Variants in WSB1 observed in about 807,000 individuals in gnomAD.
WSB1 encodes the protein WD repeat and SOCS box-containing protein 1.
In WSB1, 23 loss-of-function variants were observed where a neutral mutation model predicts 50.2. The ratio of observed to expected loss-of-function variants is 0.46; its 90% CI spans 0.33 to 0.65. WSB1 has a LOEUF of 0.65. WSB1 is among the 30% of genes least tolerant of loss of function. The pLI is 0.02. For missense variants in WSB1, 492 were observed against 522.3 expected, an observed-to-expected ratio of 0.94 and a Z score of 0.56; for synonymous variants, 179 against 172.0, an observed-to-expected ratio of 1.04 and a Z score of -0.32.
chr17:27,309,561 T>C (rs370682364), intron 6 of WSB1, among the ~76,000 whole-genome samples: 1 of 152,010 alleles, frequency 6.6e-6, no homozygotes, highest in African/African-American at 2.4e-5. Context: ...AAAGTTGGAC[T>C]TAATCTTACT....
In WSB1 at chr17:27,294,427, A is replaced by G. The variant is rs2016857700; in HGVS notation, c.32A>G (p.Lys11Arg). Residue 11 changes from lysine (K) to arginine (R), a missense_variant, in exon 1 of 9, where the codon AAA becomes AGA. By Grantham distance (26) the Lys-to-Arg change is conservative. Coordinates refer to ENST00000262394, the MANE Select transcript of WSB1 (RefSeq NM_015626.10). ...AGCTTTCCCCCGAGGGTCAACGAGA[A>G]AGAGATCGGTGAGGATTGGGACCGT... MASFPPRVNE[K>R]EIVRLRTIGE... 1 of 1,613,654 alleles carries G rather than the reference A, an allele frequency of 6.2e-7. No homozygotes were observed. The highest frequency in any genetic ancestry group is 8.5e-7 in the Non-Finnish European group (1 of 1,179,798).
intron 5 of WSB1, chr17:27,308,451 G>T (rs1207121244): frequency 3.0e-6 from 3 of 984,456 alleles, no homozygotes; most frequent in Non-Finnish European, 3.6e-6. Flanking sequence ...AAATAAGATG[G>T]TTAAATTTTG....
At chr17:27,308,307 A>G (rs2017537740) in intron 5 of WSB1, 2 of 986,098 alleles carry the variant, frequency 2.0e-6, no homozygotes, top group Non-Finnish European at 2.4e-6. Flanking sequence ...TGAAGTAAAC[A>G]TTAGAATCCT....
At chr17:27,296,321 T>C (rs2016979033) in intron 1 of WSB1, among the ~76,000 whole-genome samples, 1 of 152,110 alleles carries the variant, frequency 6.6e-6, no homozygotes, top group African/African-American at 2.4e-5. Flanking sequence ...AAGTGCCAGA[T>C]ATCTAGAAGA....
At chr17:27,302,658 T>G (rs577261395) in intron 2 of WSB1, 19 of 152,252 alleles carry the variant, frequency 1.2e-4, no homozygotes, top group African/African-American at 4.6e-4. Context: ...CTCCTGACTT[T>G]AGGTGATCCA....
At chr17:27,298,128 A>G (rs1368842437) in intron 1 of WSB1, among the ~76,000 whole-genome samples, 15 of 75,146 alleles carry the variant, frequency 2.0e-4, no homozygotes, top group South Asian at 1.0e-3. Flanking sequence ...CCGTCTCAGA[A>G]AAAAAAAAAA....
At chr17:27,307,792 C>T (rs1383347061) in intron 5 of WSB1, 1 of 1,533,524 alleles carries the variant, frequency 6.5e-7, no homozygotes, top group Admixed American at 2.0e-5. Context: ...GCACCACTCG[C>T]ACACAGGCGC....
chr17:27,311,295 A>C (rs1261273535), intron 7 of WSB1, among the ~76,000 whole-genome samples: 3 of 152,260 alleles, frequency 2.0e-5, no homozygotes, highest in Admixed American at 2.0e-4. Flanking sequence ...CATGCATTGT[A>C]GTCTCTTAAG....
Position 27,314,855 on chromosome 17 carries a change from A to C in WSB1, c.*2486A>C, listed in dbSNP as rs2017800020. 1 of 152,010 alleles carries C rather than the reference A, an allele frequency of 6.6e-6. No homozygotes were observed. The highest frequency in any genetic ancestry group is 6.6e-5 in the Admixed American group (1 of 15,236). 9.4% of individuals were successfully genotyped at this position (152,010 alleles called of 1,614,324 possible). On this transcript the variant is annotated 3_prime_UTR_variant, in exon 9 of 9. Coordinates refer to ENST00000262394, the MANE Select transcript of WSB1 (RefSeq NM_015626.10). Reference sequence around the variant, plus strand: ...CTAATTTTTGTTGTATTTTTAGGACAGACGGCGTTTCACTGTTGGCCAGAC... The same window carrying C: ...CTAATTTTTGTTGTATTTTTAGGACCGACGGCGTTTCACTGTTGGCCAGAC...
intron 6 of WSB1, among the ~76,000 whole-genome samples, chr17:27,309,600 T>G (rs1314437686): frequency 2.0e-5 from 3 of 151,964 alleles, no homozygotes; most frequent in African/African-American, 7.3e-5. Context: ...TTTTTTTTTT[T>G]TTTGACAGAG....
At chr17:27,303,877 C>T in intron 3 of WSB1, 1 of 420,906 alleles carries the variant, frequency 2.4e-6, no homozygotes, top group Non-Finnish European at 4.2e-6. Flanking sequence ...AAAGGGTTTT[C>T]CAGGGAATGT....
intron 2 of WSB1, chr17:27,303,094 G>A (rs972842600): frequency 3.9e-5 from 11 of 278,746 alleles, no homozygotes; most frequent in Admixed American, 1.5e-4. Context: ...CAGTTGATTC[G>A]GTGGTTTTGA....
Position 27,294,370 on chromosome 17 carries a change from T to G in WSB1, c.-26T>G. On this transcript the variant is annotated 5_prime_UTR_variant, in exon 1 of 9. It adds an upstream start codon to the 5' untranslated region. Coordinates refer to ENST00000262394, the MANE Select transcript of WSB1 (RefSeq NM_015626.10). ...CTCTGTTGTTGGGTCCGCATCGTAT[T>G]CCCGGAATCAGACGGTGCCCCATAG... is the stretch of plus-strand genomic sequence containing the variant. The G allele has an allele frequency of 6.2e-7, 1 of 1,612,476 alleles. No individual in the cohort carries two copies. Among genetic ancestry groups the G allele is most frequent in the Admixed American group, 1.7e-5 (1 of 59,886 alleles).
chr17:27,311,418 A>G, intron 7 of WSB1, 91 bp from the exon 8 acceptor site: 2 of 950,758 alleles, frequency 2.1e-6, no homozygotes, highest in South Asian at 1.7e-5. Flanking sequence ...TTTGTGACTC[A>G]TAACTCAATG....
In WSB1 at chr17:27,294,318, A is replaced by C; in HGVS notation, c.-78A>C. 1 of 1,574,802 alleles carries C rather than the reference A, an allele frequency of 6.3e-7. No individual in the cohort carries two copies. The highest frequency in any genetic ancestry group is 1.1e-5 in the South Asian group (1 of 87,818). ...GCCCGGGAGGGACCAACTTGGCGTC[A>C]CGCCCCTCAGCGGTCGCCACTCTCT... On this transcript the variant is annotated 5_prime_UTR_variant, in exon 1 of 9. Coordinates refer to ENST00000262394, the MANE Select transcript of WSB1 (RefSeq NM_015626.10).
In WSB1 at chr17:27,304,842, G is replaced by C. The variant is rs142652854; in HGVS notation, c.541G>C (p.Asp181His). Residue 181 changes from aspartate to histidine, a missense_variant, in exon 4 of 9, where the codon GAT (aspartate) becomes CAT (histidine). By Grantham distance (81) the Asp-to-His change is moderately conservative (BLOSUM62 -1). Transcript: ENST00000262394. ...EVVRDLTFAP[D>H]GSLILVSASR... Reference sequence around the variant, plus strand: ...GGTCAGAGATTTAACTTTTGCTCCAGATGGAAGCTTGATCCTGGTGTCAGC... The same window carrying C: ...GGTCAGAGATTTAACTTTTGCTCCACATGGAAGCTTGATCCTGGTGTCAGC... 1.1e-4 allele frequency: 176 copies of C among 1,613,884 alleles called. 2 individuals are homozygous for C. The highest frequency in any genetic ancestry group is 1.5e-5 in the Non-Finnish European group (18 of 1,179,986).
chr17:27,303,876 T>C, intron 3 of WSB1: 1 of 427,308 alleles, frequency 2.3e-6, no homozygotes. Flanking sequence ...GAAAGGGTTT[T>C]CCAGGGAATG....
chr17:27,308,650 A>G (rs1290497253), intron 5 of WSB1: 1 of 986,306 alleles, frequency 1.0e-6, no homozygotes, highest in Non-Finnish European at 1.2e-6. Flanking sequence ...GATTATCTCA[A>G]AGGGAGATGC....
chr17:27,313,214 C>G lies in WSB1; in HGVS notation c.*845C>G, dbSNP rs950332343. The G allele has an allele frequency of 2.8e-4, 42 of 150,434 alleles. No individual in the cohort carries two copies. The highest frequency in any genetic ancestry group is 3.5e-3 in the Middle Eastern group (1 of 288). 9.3% of individuals were successfully genotyped at this position (150,434 alleles called of 1,614,324 possible). ...ATGTGACGTTATTTAAAAACAACAA[C>G]AAAGAAGGCAGAGCCAGGATATAAC... On this transcript the variant is annotated 3_prime_UTR_variant, in exon 9 of 9. Transcript: ENST00000262394.
Sources: gnomAD v4.1 joint callset for allele counts (sites outside exome capture counted in the v4.1 genomes callset) on GRCh38, gnomAD v4.1.1 for gene constraint, MANE v1.5 for transcripts, NCBI Gene and HGNC (gene_info 2026-07-23, HGNC 2026-07-21) for gene names.